The following MRRF variants were observed in gnomAD, a reference collection of about 807,000 sequenced individuals.
MRRF encodes ribosome-recycling factor, mitochondrial.
A neutral mutation model predicts 25.1 loss-of-function variants in MRRF; 18 were observed. The observed-to-expected ratio is 0.72, with a 90% CI of 0.50 to 1.06. The LOEUF (loss-of-function observed/expected upper bound fraction) is 1.06. MRRF is among the 50% of genes least tolerant of loss of function. MRRF has a pLI of 0.00. For missense variants in MRRF, 323 were observed against 319.3 expected, an observed-to-expected ratio of 1.01 and a Z score of -0.09; for synonymous variants, 113 against 112.1, an observed-to-expected ratio of 1.01 and a Z score of -0.05.
chr9:122,312,567 G>A (rs1466231477), intron 5 of MRRF, among the ~76,000 whole-genome samples: 2 of 152,170 alleles, frequency 1.3e-5, no homozygotes, highest in Non-Finnish European at 2.9e-5. Flanking sequence ...GAGTAAGGAA[G>A]CATAAGCATG....
intron 4 of MRRF, among the ~76,000 whole-genome samples, chr9:122,287,153 A>G (rs1833466959): frequency 2.0e-5 from 3 of 152,216 alleles, no homozygotes. Context: ...TCTCCTATAC[A>G]GCACAATTCT....
At chr9:122,287,033 A>C (rs1169507336) in intron 4 of MRRF, among the ~76,000 whole-genome samples, 2 of 152,304 alleles carry the variant, frequency 1.3e-5, no homozygotes, top group Admixed American at 1.3e-4. Flanking sequence ...TGCATGGAAC[A>C]CTGTTGCATG....
In MRRF at chr9:122,325,634, GT is replaced by G. The variant is rs1836113691; in HGVS notation, c.*3018del. ...TTTGAGAATTTTTTTCCTGTCTGGT[GT>G]GTGTGTGTGTGTGTGTGTGTGTGTG... On this transcript the variant is annotated 3_prime_UTR_variant, in exon 7 of 7. Coordinates refer to ENST00000344641, the MANE Select transcript of MRRF (RefSeq NM_138777.5). 2.2e-3 allele frequency: 29 copies of G among 13,392 alleles called. No homozygotes were observed. The highest frequency in any genetic ancestry group is 5.7e-3 in the Non-Finnish European group (29 of 5,088). 0.8% of individuals were successfully genotyped at this position (13,392 alleles called of 1,614,324 possible).
At chr9:122,297,731 C>A (rs1834180367) in intron 5 of MRRF, among the ~76,000 whole-genome samples, 1 of 152,142 alleles carries the variant, frequency 6.6e-6, no homozygotes, top group South Asian at 2.1e-4. Flanking sequence ...GTGGGGGATG[C>A]TGTGGCTCTT....
chr9:122,266,830 T>C (rs1033958585), intron 1 of MRRF, among the ~76,000 whole-genome samples: 3 of 152,220 alleles, frequency 2.0e-5, no homozygotes, highest in Non-Finnish European at 4.4e-5. Flanking sequence ...TCTCAGCACA[T>C]TGGGAGGCCC....
At chr9:122,301,564 G>A (rs1834461659) in intron 5 of MRRF, among the ~76,000 whole-genome samples, 3 of 152,132 alleles carry the variant, frequency 2.0e-5, no homozygotes, top group Admixed American at 2.0e-4. Context: ...AGGATAGAGG[G>A]GAGAAGAGAA....
rs1036590692 is a variant in MRRF at position 122,322,689 on chromosome 9, C to A, written c.*72C>A. 31 of 1,320,276 alleles carry A rather than the reference C, an allele frequency of 2.3e-5. No homozygotes were observed. The highest frequency in any genetic ancestry group is 3.0e-5 in the Non-Finnish European group (28 of 920,722). 81.8% of individuals were successfully genotyped at this position (1,320,276 alleles called of 1,614,324 possible). A position where few individuals can be genotyped will look rare whatever the true frequency, so the allele number is the denominator to read the frequency against. ...TCCCATGGGTGGCACATTGGGACTT[C>A]TCTCCCTCCCCCATCTACACAGAAG... is the stretch of plus-strand genomic sequence containing the variant. On this transcript the variant is annotated 3_prime_UTR_variant, in exon 7 of 7. Coordinates refer to ENST00000344641, the MANE Select transcript of MRRF (RefSeq NM_138777.5).
intron 5 of MRRF, among the ~76,000 whole-genome samples, chr9:122,306,268 C>T (rs2118914490): frequency 6.6e-6 from 1 of 152,334 alleles, no homozygotes; most frequent in African/African-American, 2.4e-5. Context: ...TATGGCCTCC[C>T]TCATCCCCCT....
rs920675750 is a variant in MRRF, at chr9:122,270,878, G to C, written c.-14G>C. On this transcript the variant is annotated 5_prime_UTR_variant, in exon 2 of 7. Transcript: ENST00000344641. ...ATTCTTTTTAGTGGATGTTTCCAAG[G>C]ATTGTCTTCAGTCATGGCCTTGGGA... The C allele has an allele frequency of 1.2e-6, 2 of 1,613,696 alleles. No individual in the cohort carries two copies. Among genetic ancestry groups the C allele is most frequent in the Non-Finnish European group, 1.7e-6 (2 of 1,179,620 alleles).
chr9:122,316,867 T>G (rs1320542025), intron 6 of MRRF, among the ~76,000 whole-genome samples: 1 of 151,428 alleles, frequency 6.6e-6, no homozygotes, highest in Non-Finnish European at 1.5e-5. Context: ...TGAGAACATA[T>G]AGTATATATA....
At chr9:122,270,753 A>G (rs1297203576) in intron 1 of MRRF, 111 bp from the exon 2 acceptor site, 3 of 798,382 alleles carry the variant, frequency 3.8e-6, no homozygotes, top group Non-Finnish European at 6.7e-6. Context: ...ATTGTCTAGT[A>G]CTTAGCTCAG....
intron 6 of MRRF, 133 bp from the exon 7 acceptor site, chr9:122,322,407 C>A: frequency 1.2e-6 from 1 of 802,546 alleles, no homozygotes; most frequent in Admixed American, 2.0e-5. Context: ...AGTACAGTGC[C>A]TGACTGGTAC....
At chr9:122,265,870 C>G (rs1001549071) in intron 1 of MRRF, 1 of 681,230 alleles carries the variant, frequency 1.5e-6, no homozygotes, top group Non-Finnish European at 2.3e-6. Context: ...TTGGCCGTGC[C>G]AGGTGCATAA....
At chr9:122,299,724 G>C (rs1275620716) in intron 5 of MRRF, among the ~76,000 whole-genome samples, 1 of 152,134 alleles carries the variant, frequency 6.6e-6, no homozygotes, top group Non-Finnish European at 1.5e-5. Context: ...GGTAGGAGGA[G>C]AACTAGGAAA....
chr9:122,276,491 A>G (rs1408457992), intron 2 of MRRF, among the ~76,000 whole-genome samples: 1 of 152,162 alleles, frequency 6.6e-6, no homozygotes, highest in African/African-American at 2.4e-5. Context: ...TATTATGGTC[A>G]TTTCTCAATA....
In MRRF at chr9:122,329,143, A is replaced by T. The variant is rs530451916; in HGVS notation, c.*6526A>T. ...ACCCTGGCATTCAGTAACTTCTGCA[A>T]TCTGGGCCTGATGTATTCCTTTAAT... is the stretch of plus-strand genomic sequence containing the variant. On this transcript the variant is annotated 3_prime_UTR_variant, in exon 7 of 7. Coordinates refer to ENST00000344641, the MANE Select transcript of MRRF (RefSeq NM_138777.5). The T allele has an allele frequency of 6.6e-6, 1 of 152,298 alleles. No homozygotes were observed. Among genetic ancestry groups the T allele is most frequent in the East Asian group, 1.9e-4 (1 of 5,180 alleles). 9.4% of individuals were successfully genotyped at this position (152,298 alleles called of 1,614,324 possible). A position where few individuals can be genotyped will look rare whatever the true frequency, so the allele number is the denominator to read the frequency against.
intron 5 of MRRF, among the ~76,000 whole-genome samples, chr9:122,306,998 A>G (rs1427089428): frequency 1.3e-5 from 2 of 152,216 alleles, no homozygotes; most frequent in African/African-American, 4.8e-5. Context: ...CCTTGGGCTA[A>G]AGGGACACCT....
In MRRF at chr9:122,322,720, C is replaced by T; in HGVS notation, c.*103C>T. On this transcript the variant is annotated 3_prime_UTR_variant, in exon 7 of 7. Transcript: ENST00000344641. ...CTCCCCCATCTACACAGAAGACTGT[C>T]ACCATGCTGACAGAAGCCTGTCCTT... The T allele has an allele frequency of 2.0e-6, 2 of 1,021,054 alleles. No homozygotes were observed. The highest frequency in any genetic ancestry group is 3.0e-6 in the Non-Finnish European group (2 of 659,098). 63.2% of individuals were successfully genotyped at this position (1,021,054 alleles called of 1,614,324 possible).
At chr9:122,322,423 G>T in intron 6 of MRRF, 117 bp from the exon 7 acceptor site, 1 of 900,838 alleles carries the variant, frequency 1.1e-6, no homozygotes, top group Non-Finnish European at 1.8e-6. Flanking sequence ...GGTACTTAAT[G>T]TGAACTTTTG....
Sources: gnomAD v4.1 joint callset for allele counts (sites outside exome capture counted in the v4.1 genomes callset) on GRCh38, gnomAD v4.1.1 for gene constraint, MANE v1.5 for transcripts, NCBI Gene and HGNC (gene_info 2026-07-23, HGNC 2026-07-21) for gene names.